Variants in PRKCA observed in about 807,000 individuals in gnomAD.
PRKCA encodes protein kinase C alpha type.
In PRKCA, 27 loss-of-function variants were observed where a neutral mutation model predicts 87.0. That is an observed-to-expected ratio of 0.31 (90% confidence interval 0.23 to 0.43). PRKCA has a LOEUF of 0.43. Among genes scored for constraint, PRKCA ranks in the 20% least tolerant of loss-of-function variants. The pLI is 1.00. For synonymous variants in PRKCA, 329 were observed against 311.1 expected, an observed-to-expected ratio of 1.06 and a Z score of -0.61; for missense variants, 518 against 852.3, an observed-to-expected ratio of 0.61 and a Z score of 4.88.
At chr17:66,589,536 A>G (rs1598797961) in intron 3 of PRKCA, among the ~76,000 whole-genome samples, 1 of 152,142 alleles carries the variant, frequency 6.6e-6, no homozygotes, top group Admixed American at 6.5e-5. Flanking sequence ...ATAAGGAGCA[A>G]TCTTTAAGTG....
chr17:66,325,960 A>G (rs1421548050), intron 2 of PRKCA, among the ~76,000 whole-genome samples: 1 of 152,118 alleles, frequency 6.6e-6, no homozygotes, highest in Admixed American at 6.6e-5. Flanking sequence ...TCCATCTATG[A>G]GTGGCTACCA....
At chr17:66,648,091 G>T (rs919523069) in intron 5 of PRKCA, among the ~76,000 whole-genome samples, 1 of 152,196 alleles carries the variant, frequency 6.6e-6, no homozygotes, top group African/African-American at 2.4e-5. Flanking sequence ...CTCCGTCTCT[G>T]CTTCATAGAT....
At chr17:66,410,638 C>T (rs368073924) in intron 2 of PRKCA, among the ~76,000 whole-genome samples, 1 of 152,090 alleles carries the variant, frequency 6.6e-6, no homozygotes, top group African/African-American at 2.4e-5. Flanking sequence ...TGTGGTGGCG[C>T]GATCTCGGCT....
intron 15 of PRKCA, among the ~76,000 whole-genome samples, chr17:66,788,164 T>A (rs1975445856): frequency 1.3e-5 from 2 of 152,196 alleles, no homozygotes; most frequent in Non-Finnish European, 2.9e-5. Flanking sequence ...GAGTACAATA[T>A]ACCCTTAACA....
intron 2 of PRKCA, among the ~76,000 whole-genome samples, chr17:66,323,661 T>C (rs971158636): frequency 6.6e-6 from 1 of 152,190 alleles, no homozygotes; most frequent in African/African-American, 2.4e-5. Context: ...GCTAATCAGA[T>C]GGGCACGGTG....
At chr17:66,699,170 C>T (rs1379902939) in intron 8 of PRKCA, among the ~76,000 whole-genome samples, 1 of 140,536 alleles carries the variant, frequency 7.1e-6, no homozygotes, top group Non-Finnish European at 1.5e-5. Flanking sequence ...TGTGAATAGC[C>T]AGTGCACTGC....
At chr17:66,781,428 C>G (rs1311526663) in intron 14 of PRKCA, among the ~76,000 whole-genome samples, 1 of 152,166 alleles carries the variant, frequency 6.6e-6, no homozygotes, top group African/African-American at 2.4e-5. Flanking sequence ...GCAGAGGCCT[C>G]TCTGACCCTC....
At chr17:66,618,749 G>A (rs1399333671) in intron 3 of PRKCA, among the ~76,000 whole-genome samples, 1 of 152,176 alleles carries the variant, frequency 6.6e-6, no homozygotes, top group East Asian at 1.9e-4. Context: ...TGTACTACAT[G>A]CCTACATTCT....
intron 8 of PRKCA, among the ~76,000 whole-genome samples, chr17:66,702,736 T>C (rs945180422): frequency 1.3e-5 from 2 of 152,190 alleles, no homozygotes; most frequent in Admixed American, 6.5e-5. Flanking sequence ...GGATGCCTTC[T>C]GAAAATGTAT....
rs1406148799 is a variant in PRKCA at position 66,587,891 on chromosome 17, G to GTATATA, written c.289-53463_289-53462insATATAT. Among the ~76,000 whole-genome samples the GTATATA allele has an allele frequency of 5.1e-3, 440 of 87,070 alleles. 46 individuals carry two copies. Among genetic ancestry groups the GTATATA allele is most frequent in the Non-Finnish European group, 6.8e-3 (309 of 45,718 alleles). 57.1% of individuals were successfully genotyped at this position (87,070 alleles called of 152,430 possible). On this transcript the variant is annotated intron_variant, in intron 3 of 16. Coordinates refer to ENST00000413366, the MANE Select transcript of PRKCA (RefSeq NM_002737.3). Reference sequence around the variant, plus strand: ...TGTATGTGTGTGTGTGTGTGTGTGTGTGTGTATATATATATATATATATAT... The same window carrying GTATATA: ...TGTATGTGTGTGTGTGTGTGTGTGTGTATATATGTGTATATATATATATATATATAT...
intron 2 of PRKCA, among the ~76,000 whole-genome samples, chr17:66,487,062 G>A (rs1916017735): frequency 6.6e-6 from 1 of 152,024 alleles, no homozygotes; most frequent in African/African-American, 2.4e-5. Flanking sequence ...TTTTCTTCTA[G>A]CTATTTTGAA....
At position 66,772,295 on chromosome 17, in the gene PRKCA, A is replaced by G. The variant is rs554919143; in HGVS notation, c.1525-1692A>G. Among the ~76,000 whole-genome samples, 4 of 152,312 alleles carry G rather than the reference A, an allele frequency of 2.6e-5. No homozygotes were observed. The East Asian group carries it at 7.7e-4, about 29-fold the overall frequency. On this transcript the variant is annotated intron_variant, in intron 13 of 16. Coordinates refer to ENST00000413366, the MANE Select transcript of PRKCA (RefSeq NM_002737.3). ...ACTCCTTGTAGGTTCCTATGTTTAT[A>G]TCATTTTCTTGTCAAGGAAATGAGC...
chr17:66,527,841 A>G (rs961856376), intron 3 of PRKCA, among the ~76,000 whole-genome samples: 2 of 152,232 alleles, frequency 1.3e-5, no homozygotes, highest in Non-Finnish European at 2.9e-5. Flanking sequence ...GATTTGGTTT[A>G]AAAACAATAA....
chr17:66,673,688 G>T (rs1237670095), intron 5 of PRKCA, among the ~76,000 whole-genome samples: 1 of 152,220 alleles, frequency 6.6e-6, no homozygotes, highest in Non-Finnish European at 1.5e-5. Flanking sequence ...CCCAGACCCA[G>T]TTTGTACACA....
chr17:66,590,669 G>A (rs1969773603), intron 3 of PRKCA, among the ~76,000 whole-genome samples: 1 of 152,136 alleles, frequency 6.6e-6, no homozygotes, highest in African/African-American at 2.4e-5. Context: ...GGCCAATGTG[G>A]TGAAACTCCA....
rs557273726 is a variant in PRKCA, at chr17:66,624,838, G to T, written c.289-16517G>T. Among the ~76,000 whole-genome samples the T allele has an allele frequency of 2.0e-3, 310 of 151,354 alleles. 3 individuals carry two copies. The highest frequency in any genetic ancestry group is 7.3e-3 in the African/African-American group (301 of 41,146). ...AATAAATAAATAAAAAGAATTATTT[G>T]CAAATAATTGCATCATTAGAAAAAA... On this transcript the variant is annotated intron_variant, in intron 3 of 16. Coordinates refer to ENST00000413366, the MANE Select transcript of PRKCA (RefSeq NM_002737.3).
intron 2 of PRKCA, among the ~76,000 whole-genome samples, chr17:66,465,445 G>A (rs1241906103): frequency 1.3e-5 from 2 of 152,102 alleles, no homozygotes; most frequent in African/African-American, 4.8e-5. Context: ...AGACTGGAGT[G>A]CAGTGGTGTG....
intron 2 of PRKCA, among the ~76,000 whole-genome samples, chr17:66,431,954 C>A (rs1486260946): frequency 6.6e-6 from 1 of 152,166 alleles, no homozygotes; most frequent in Non-Finnish European, 1.5e-5. Context: ...TTTTTCATTT[C>A]AAATCAGCAT....
At chr17:66,516,804 C>T (rs1966984058) in intron 3 of PRKCA, among the ~76,000 whole-genome samples, 1 of 152,102 alleles carries the variant, frequency 6.6e-6, no homozygotes, top group Non-Finnish European at 1.5e-5. Flanking sequence ...ATGTTTCCAG[C>T]AACAGAACAA....
Sources: allele counts gnomAD v4.1 joint callset (sites outside exome capture counted in the v4.1 genomes callset), GRCh38; gene constraint gnomAD v4.1.1; transcripts MANE v1.5; gene names NCBI Gene and HGNC (gene_info 2026-07-23, HGNC 2026-07-21).